NKAIN3: variants seen among roughly 807,000 people sequenced by gnomAD.
NKAIN3 encodes sodium/potassium-transporting ATPase subunit beta-1-interacting protein 3.
Under a neutral mutation model 30.2 loss-of-function variants are expected in NKAIN3, and 25 were observed. The ratio of observed to expected loss-of-function variants is 0.83; its 90% CI spans 0.60 to 1.16. NKAIN3 has a LOEUF of 1.16. Among genes scored for constraint, NKAIN3 ranks in the 50% most tolerant of loss-of-function variants. The pLI is 0.00. For synonymous variants in NKAIN3, 91 were observed against 89.6 expected, an observed-to-expected ratio of 1.02 and a Z score of -0.09; for missense variants, 225 against 254.1, an observed-to-expected ratio of 0.89 and a Z score of 0.78.
chr8:62,764,706 C>T (rs1349231617), intron 4 of NKAIN3, among the ~76,000 whole-genome samples: 1 of 152,040 alleles, frequency 6.6e-6, no homozygotes, highest in Admixed American at 6.6e-5. Flanking sequence ...AAAATACATG[C>T]GTTGGAAAGA....
intron 4 of NKAIN3, among the ~76,000 whole-genome samples, chr8:62,758,338 G>T (rs907236926): frequency 6.6e-6 from 1 of 152,126 alleles, no homozygotes; most frequent in Non-Finnish European, 1.5e-5. Context: ...CTGTGGATTA[G>T]ATAACAGTAT....
At chr8:62,919,726 G>A (rs1822219166) in intron 5 of NKAIN3, among the ~76,000 whole-genome samples, 2 of 152,102 alleles carry the variant, frequency 1.3e-5, no homozygotes, top group Admixed American at 6.5e-5. Context: ...CAACCTCAAA[G>A]GGGTCTGATG....
intron 4 of NKAIN3, among the ~76,000 whole-genome samples, chr8:62,908,091 C>T (rs1821833155): frequency 6.6e-6 from 1 of 152,180 alleles, no homozygotes; most frequent in Non-Finnish European, 1.5e-5. Flanking sequence ...CCATGGGAAC[C>T]CCCTCCCTTG....
intron 4 of NKAIN3, among the ~76,000 whole-genome samples, chr8:62,753,211 C>T (rs1320529874): frequency 1.6e-5 from 2 of 121,726 alleles, no homozygotes; most frequent in African/African-American, 6.6e-5. Context: ...AGAGGATGCA[C>T]ACACACACAC....
intron 4 of NKAIN3, among the ~76,000 whole-genome samples, chr8:62,790,413 G>A (rs991227326): frequency 2.6e-5 from 4 of 152,080 alleles, no homozygotes; most frequent in African/African-American, 9.7e-5. Context: ...AGACAGGGAT[G>A]CCCTCTCTTA....
Position 62,979,063 on chromosome 8 carries a change from A to C in NKAIN3, c.*13656A>C, listed in dbSNP as rs953577844. ...CTGCACCCACTGTCTAACCAGTCCC[A>C]GTGAGATGAACCGAGTACCTCAGTT... is the stretch of plus-strand genomic sequence containing the variant. On this transcript the variant is annotated 3_prime_UTR_variant, in exon 7 of 7. Transcript: ENST00000623646. 1 of 152,548 alleles carries C rather than the reference A, an allele frequency of 6.6e-6. No individual in the cohort carries two copies. The highest frequency in any genetic ancestry group is 1.5e-5 in the Non-Finnish European group (1 of 68,272). 9.4% of individuals were successfully genotyped at this position (152,548 alleles called of 1,614,324 possible). A position where few individuals can be genotyped will look rare whatever the true frequency, so the allele number is the denominator to read the frequency against.
At chr8:62,588,780 T>C (rs1810559853) in intron 2 of NKAIN3, among the ~76,000 whole-genome samples, 2 of 151,986 alleles carry the variant, frequency 1.3e-5, no homozygotes, top group South Asian at 4.1e-4. Context: ...TCATTCATTT[T>C]TGTGATAAAA....
intron 4 of NKAIN3, among the ~76,000 whole-genome samples, chr8:62,866,307 C>T (rs1319697617): frequency 6.6e-6 from 1 of 152,162 alleles, no homozygotes; most frequent in Non-Finnish European, 1.5e-5. Context: ...ATACAATTTG[C>T]AGTGCAGTGG....
At chr8:62,278,097 A>T (rs1813025978) in intron 1 of NKAIN3, among the ~76,000 whole-genome samples, 1 of 152,150 alleles carries the variant, frequency 6.6e-6, no homozygotes, top group South Asian at 2.1e-4. Context: ...GTCTCAAGAC[A>T]TTGCCTATGA....
chr8:62,963,857 GT>G (rs1280215154), intron 6 of NKAIN3, among the ~76,000 whole-genome samples: 2 of 152,090 alleles, frequency 1.3e-5, no homozygotes, highest in Non-Finnish European at 2.9e-5. Context: ...TATTTTTTTA[GT>G]CGTTTTCTTC....
intron 4 of NKAIN3, among the ~76,000 whole-genome samples, chr8:62,787,259 C>T (rs927280444): frequency 1.3e-5 from 2 of 152,120 alleles, no homozygotes; most frequent in African/African-American, 2.4e-5. Context: ...AAAAACATAT[C>T]GCTTATTGTT....
chr8:62,565,358 G>C (rs1182488125), intron 1 of NKAIN3, among the ~76,000 whole-genome samples: 1 of 116,624 alleles, frequency 8.6e-6, no homozygotes, highest in Non-Finnish European at 2.1e-5. Context: ...ATGGGCATAC[G>C]TGTGTGCGTG....
chr8:62,509,561 C>A (rs552807644), intron 1 of NKAIN3, among the ~76,000 whole-genome samples: 1 of 152,202 alleles, frequency 6.6e-6, no homozygotes, highest in African/African-American at 2.4e-5. Flanking sequence ...TTATCTCTAA[C>A]CACCATGAGC....
chr8:62,940,453 C>T (rs1231805434), intron 5 of NKAIN3, among the ~76,000 whole-genome samples: 1 of 152,078 alleles, frequency 6.6e-6, no homozygotes, highest in Non-Finnish European at 1.5e-5. Context: ...TAAGTAACAA[C>T]TGCAGAATAG....
At position 62,732,566 on chromosome 8, in the gene NKAIN3, C is replaced by T. The variant is rs182223956; in HGVS notation, c.274-14366C>T. On this transcript the variant is annotated intron_variant, in intron 3 of 6. Coordinates refer to ENST00000623646, the MANE Select transcript of NKAIN3 (RefSeq NM_001304533.3). ...AGGGTTCTAGCTGCATGTATTAGAT[C>T]AAACTTGTTAGTTATTTTGTTCTAA... Among the ~76,000 whole-genome samples the T allele has an allele frequency of 2.5e-3, 362 of 146,102 alleles. 5 individuals are homozygous for T. Among genetic ancestry groups the T allele is most frequent in the Admixed American group, 0.022 (312 of 14,508 alleles).
intron 4 of NKAIN3, among the ~76,000 whole-genome samples, chr8:62,828,442 G>A (rs955735623): frequency 1.3e-5 from 2 of 151,974 alleles, no homozygotes; most frequent in African/African-American, 4.8e-5. Flanking sequence ...AAAAATAATC[G>A]AATTTAAATG....
intron 4 of NKAIN3, among the ~76,000 whole-genome samples, chr8:62,887,385 G>A (rs1333838800): frequency 6.6e-6 from 1 of 151,880 alleles, no homozygotes; most frequent in Non-Finnish European, 1.5e-5. Context: ...GGAGCTTCTT[G>A]GATCTGTGGG....
chr8:62,303,399 A>G (rs1354607455), intron 1 of NKAIN3, among the ~76,000 whole-genome samples: 1 of 150,452 alleles, frequency 6.6e-6, no homozygotes, highest in Non-Finnish European at 1.5e-5. Flanking sequence ...TCCTCCAAAA[A>G]GTTGTTTGCT....
chr8:62,284,203 T>C (rs555370704), intron 1 of NKAIN3, among the ~76,000 whole-genome samples: 2 of 152,284 alleles, frequency 1.3e-5, no homozygotes, highest in East Asian at 3.9e-4. Context: ...CACAAAAGTA[T>C]GTTTGTGAAA....
Sources: gnomAD v4.1 joint callset for allele counts (sites outside exome capture counted in the v4.1 genomes callset) on GRCh38, gnomAD v4.1.1 for gene constraint, MANE v1.5 for transcripts, NCBI Gene and HGNC (gene_info 2026-07-23, HGNC 2026-07-21) for gene names.